The following SAMD9L variants were observed in gnomAD, a reference collection of about 807,000 sequenced individuals.
SAMD9L encodes sterile alpha motif domain-containing protein 9-like.
Under a neutral mutation model 90.7 loss-of-function variants are expected in SAMD9L, and 68 were observed. The ratio of observed to expected loss-of-function variants is 0.75; its 90% confidence interval spans 0.62 to 0.92. The LOEUF (loss-of-function observed/expected upper bound fraction) is 0.92. Ranked by LOEUF, SAMD9L falls within the 40% of genes least tolerant of loss-of-function variation. The pLI, the probability that SAMD9L is intolerant of heterozygous loss-of-function variation, is 0.00. For synonymous variants in SAMD9L, 640 were observed against 630.1 expected (o/e 1.02, Z -0.23); for missense variants, 1,604 against 1,824.3 (o/e 0.88, Z 2.20).
Position 93,136,047 on chromosome 7 carries a change from C to T in SAMD9L, c.-20-56G>A, listed in dbSNP as rs1792440621. 6.0e-6 allele frequency: 7 copies of T among 1,167,806 alleles called. No homozygotes were observed. The East Asian group carries it at 1.6e-4, about 27-fold the overall frequency. The allele number at this position is 1,167,806 out of a possible 1,614,324, so 72.3% of individuals were successfully genotyped here. A position where few individuals can be genotyped will look rare whatever the true frequency, so the allele number is the denominator to read the frequency against. ...GAATTATACTTTATTTTTAAAATCA[C>T]ATAGACAATTATGTATACATTATCA... On this transcript the variant is annotated intron_variant, in intron 4 of 4. Coordinates refer to ENST00000318238, the MANE Select transcript of SAMD9L (RefSeq NM_152703.5).
Position 93,132,325 on chromosome 7 carries a change from A to C in SAMD9L, c.3647T>G (p.Phe1216Cys). ...YTIQILQLTP[F>C]FHKENELSKK... is the part of the protein sequence containing the mutation. ...GGATAATTCATTTTCTTTGTGGAAAAAGGGAGTGAGCTGAAGAATCTGGAT... is the reference window on the plus strand; with the variant it reads ...GGATAATTCATTTTCTTTGTGGAAACAGGGAGTGAGCTGAAGAATCTGGAT... Residue 1216 changes from phenylalanine to cysteine, a missense_variant, in exon 5 of 5, where the codon TTT becomes TGT. Transcript: ENST00000318238. 1.2e-6 allele frequency: 2 copies of C among 1,613,868 alleles called. No homozygotes were observed. The highest frequency in any genetic ancestry group is 1.7e-6 in the Non-Finnish European group (2 of 1,179,870).
At chr7:93,138,698 G>T (rs181559537) in intron 4 of SAMD9L, among the ~76,000 whole-genome samples, 1 of 152,146 alleles carries the variant, frequency 6.6e-6, no homozygotes, top group Non-Finnish European at 1.5e-5. Flanking sequence ...ATGACATAGC[G>T]CTGTTCCAGC....
In SAMD9L at chr7:93,134,109, G is replaced by T; in HGVS notation, c.1863C>A (p.Ile621=). The change falls in exon 5 of 5, where the codon ATC becomes ATA. Residue 621 remains isoleucine (I), a synonymous_variant. Coordinates refer to ENST00000318238, the MANE Select transcript of SAMD9L (RefSeq NM_152703.5). Reference sequence around the variant, plus strand: ...ACCGAGTCACCGATTTTAGTTTAAGGATAGTGCTGTTTACCAGTTCTATAT... The same window carrying T: ...ACCGAGTCACCGATTTTAGTTTAAGTATAGTGCTGTTTACCAGTTCTATAT... The part of the protein sequence containing the change: ...TLNIELVNST[I]LKLKSVTRSS... 2 of 1,613,906 alleles carry T rather than the reference G, an allele frequency of 1.2e-6. No individual in the cohort carries two copies. Among genetic ancestry groups the T allele is most frequent in the Non-Finnish European group, 1.7e-6 (2 of 1,179,842 alleles).
At chr7:93,146,741 T>G (rs1792906047) in intron 2 of SAMD9L, 142 bp downstream of exon 2, 1 of 152,254 alleles carries the variant, frequency 6.6e-6, no homozygotes, top group Non-Finnish European at 1.5e-5. Context: ...GTGCTACCCG[T>G]TAGGCCAGAA....
intron 3 of SAMD9L, 106 bp from the exon 4 acceptor site, chr7:93,144,939 A>G (rs922550522): frequency 3.3e-5 from 5 of 152,250 alleles, no homozygotes; most frequent in African/African-American, 9.6e-5. Flanking sequence ...TAAAAGTCTT[A>G]CATAAAATGA....
Position 93,131,548 on chromosome 7 carries a change from A to T in SAMD9L, c.4424T>A (p.Leu1475His), listed in dbSNP as rs1177713573. The T allele has an allele frequency of 6.2e-7, 1 of 1,613,982 alleles. No homozygotes were observed. The highest frequency in any genetic ancestry group is 8.5e-7 in the Non-Finnish European group (1 of 1,179,914). The stretch of plus-strand genomic sequence containing the variant: ...ACCCTTCCTTTTGCCCAGATAGAAA[A>T]GTGTGCTTGCCTGCTTGGACCTGCA... The part of the protein sequence containing the change: ...RMCRSKQAST[L>H]FYLGKRKGLN... Residue 1475 changes from leucine to histidine, a missense_variant, in exon 5 of 5, where the codon CTT (leucine) becomes CAT (histidine). Coordinates refer to ENST00000318238, the MANE Select transcript of SAMD9L (RefSeq NM_152703.5).
chr7:93,142,684 T>C (rs1397773374), intron 4 of SAMD9L, among the ~76,000 whole-genome samples: 1 of 152,216 alleles, frequency 6.6e-6, no homozygotes, highest in African/African-American at 2.4e-5. Context: ...CTTTCTACCC[T>C]AGGTCCTCAG....
intron 3 of SAMD9L, among the ~76,000 whole-genome samples, chr7:93,145,138 C>T (rs775890508): frequency 2.6e-5 from 4 of 152,148 alleles, no homozygotes; most frequent in African/African-American, 4.8e-5. Flanking sequence ...TATGCTGCAC[C>T]GTCACCATGC....
At position 93,133,542 on chromosome 7, in the gene SAMD9L, A is replaced by T; in HGVS notation, c.2430T>A (p.Asn810Lys). ...GGATGGCATTTTGTAGAAAGTAGAC[A>T]TTTTCTTGTTCTTCAAAATCATCCA... Reference protein sequence around the residue: ...LLVDDFEEQENVYFLQNAIHS... With the variant: ...LLVDDFEEQEKVYFLQNAIHS... Residue 810 changes from asparagine (N) to lysine (K), a missense_variant, in exon 5 of 5, where the codon AAT (asparagine) becomes AAA (lysine). This residue lies in a region of SAMD9L where 606 missense variants were observed against 717.6 expected (regional missense o/e 0.84). Transcript: ENST00000318238. The T allele has an allele frequency of 6.2e-7, 1 of 1,613,732 alleles. No individual in the cohort carries two copies. Among genetic ancestry groups the T allele is most frequent in the South Asian group, 1.1e-5 (1 of 91,056 alleles).
Position 93,135,486 on chromosome 7 carries a change from A to C in SAMD9L, c.486T>G (p.Thr162=). ...ACTGATCAAAAGGATATGGCATACA[A>C]GTCAATTGTTCAGGTTTTAGCTTAC... ...KKGKLKPEQL[T]CMPYPFDQFH... The change falls in exon 5 of 5, where the codon ACT becomes ACG. Residue 162 remains threonine (T), a synonymous_variant. Coordinates refer to ENST00000318238, the MANE Select transcript of SAMD9L (RefSeq NM_152703.5). 2 of 1,614,158 alleles carry C rather than the reference A, an allele frequency of 1.2e-6. No homozygotes were observed. Among genetic ancestry groups the C allele is most frequent in the Non-Finnish European group, 1.7e-6 (2 of 1,180,002 alleles).
chr7:93,131,538 C>G lies in SAMD9L; in HGVS notation c.4434G>C (p.Leu1478=). The part of the protein sequence containing the change: ...RSKQASTLFY[L]GKRKGLNSIV... ...TACTGTTTAGACCCTTCCTTTTGCCCAGATAGAAAAGTGTGCTTGCCTGCT... is the reference window on the plus strand; with the variant it reads ...TACTGTTTAGACCCTTCCTTTTGCCGAGATAGAAAAGTGTGCTTGCCTGCT... The change falls in exon 5 of 5, where the codon CTG becomes CTC. Residue 1478 remains leucine (L), a synonymous_variant. Coordinates refer to ENST00000318238, the MANE Select transcript of SAMD9L (RefSeq NM_152703.5). 1 of 1,613,950 alleles carries G rather than the reference C, an allele frequency of 6.2e-7. No individual in the cohort carries two copies.
chr7:93,147,513 T>G (rs915848694), intron 1 of SAMD9L, among the ~76,000 whole-genome samples: 1 of 152,146 alleles, frequency 6.6e-6, no homozygotes, highest in African/African-American at 2.4e-5. Context: ...ACCGCTGATA[T>G]CCATGCCCTA....
In SAMD9L at chr7:93,135,405, T is replaced by C. The variant is rs1199804631; in HGVS notation, c.567A>G (p.Ala189=). The C allele has an allele frequency of 6.2e-7, 1 of 1,614,012 alleles. No homozygotes were observed. Among genetic ancestry groups the C allele is most frequent in the African/African-American group, 1.3e-5 (1 of 74,944 alleles). ...EHYTLQPETG[A]LNLIDPIHEF... ...CATGTATTGGATCAATGAGATTGAG[T>C]GCTCCTGTTTCAGGTTGTAGAGTAT... is the stretch of plus-strand genomic sequence containing the variant. Residue 189 remains alanine (A), a synonymous_variant, in exon 5 of 5, where the codon GCA becomes GCG. Coordinates refer to ENST00000318238, the MANE Select transcript of SAMD9L (RefSeq NM_152703.5).
In SAMD9L at chr7:93,134,086, C is replaced by T. The variant is rs142436298; in HGVS notation, c.1886G>A (p.Arg629Gln). 10 of 1,613,788 alleles carry T rather than the reference C, an allele frequency of 6.2e-6. No individual in the cohort carries two copies. Among genetic ancestry groups the T allele is most frequent in the Middle Eastern group, 1.6e-4 (1 of 6,062 alleles). The change falls in exon 5 of 5, where the codon CGG (arginine) becomes CAG (glutamine). Residue 629 changes from arginine to glutamine, a missense_variant. This residue lies in a region of SAMD9L where 606 missense variants were observed against 717.6 expected (regional missense o/e 0.84). Transcript: ENST00000318238. ...STILKLKSVT[R>Q]SSRRFLPARG... Reference sequence around the variant, plus strand: ...GGCGGGCAAAAACCTTCTTGATGACCGAGTCACCGATTTTAGTTTAAGGAT... The same window carrying T: ...GGCGGGCAAAAACCTTCTTGATGACTGAGTCACCGATTTTAGTTTAAGGAT...
chr7:93,140,188 C>T (rs776673314), intron 4 of SAMD9L, among the ~76,000 whole-genome samples: 4 of 151,294 alleles, frequency 2.6e-5, no homozygotes, highest in Non-Finnish European at 4.4e-5. Flanking sequence ...CATACCCTGA[C>T]TGGAACATGG....
In SAMD9L at chr7:93,134,842, C is replaced by G. The variant is rs1345325749; in HGVS notation, c.1130G>C (p.Arg377Thr). Residue 377 changes from arginine to threonine, a missense_variant, in exon 5 of 5, where the codon AGA (arginine) becomes ACA (threonine). This residue lies in a region of SAMD9L where 606 missense variants were observed against 717.6 expected (regional missense o/e 0.84). Transcript: ENST00000318238. ...TCCATACTCTTCTTCAGCCTCTTTT[C>G]TAGATGCTACCAGTGACTTTAAATT... is the stretch of plus-strand genomic sequence containing the variant. ...LQNLKSLVAS[R>T]KEAEEEYGMK... The G allele has an allele frequency of 6.2e-7, 1 of 1,613,762 alleles. No homozygotes were observed. Among genetic ancestry groups the G allele is most frequent in the African/African-American group, 1.3e-5 (1 of 74,888 alleles).
intron 4 of SAMD9L, among the ~76,000 whole-genome samples, chr7:93,139,406 A>G (rs959248777): frequency 6.6e-5 from 10 of 152,212 alleles, no homozygotes; most frequent in Admixed American, 3.9e-4. Flanking sequence ...ATTAGTTGAC[A>G]TGAAGTTATA....
At chr7:93,142,351 T>A (rs1792725892) in intron 4 of SAMD9L, among the ~76,000 whole-genome samples, 1 of 152,212 alleles carries the variant, frequency 6.6e-6, no homozygotes, top group Admixed American at 6.5e-5. Flanking sequence ...AAGCACTCAA[T>A]AAATATTTGT....
chr7:93,133,224 G>C lies in SAMD9L; in HGVS notation c.2748C>G (p.Ser916Arg). 6.2e-7 allele frequency: 1 copy of C among 1,613,182 alleles called. No individual in the cohort carries two copies. Among genetic ancestry groups the C allele is most frequent in the Non-Finnish European group, 8.5e-7 (1 of 1,179,596 alleles). Residue 916 changes from serine to arginine, a missense_variant, in exon 5 of 5, where the codon AGC becomes AGG. By Grantham distance (110) the Ser-to-Arg change is moderately radical (BLOSUM62 -1). Coordinates refer to ENST00000318238, the MANE Select transcript of SAMD9L (RefSeq NM_152703.5). ...RNILKGQDVDSKEAQLISFLA... is the reference protein window; with the variant it reads ...RNILKGQDVDRKEAQLISFLA... ...GGAAGGAAATGAGTTGTGCTTCCTT[G>C]CTGTCAACATCCTGTCCTTTTAGGA...
Sources: gnomAD v4.1 joint callset for allele counts (sites outside exome capture counted in the v4.1 genomes callset) on GRCh38, gnomAD v4.1.1 for gene constraint, gnomAD v4.1.1 regional missense constraint, MANE v1.5 for transcripts, NCBI Gene and HGNC (gene_info 2026-07-23, HGNC 2026-07-21) for gene names.